CDH2: variants seen among roughly 807,000 people sequenced by gnomAD.
CDH2 encodes the protein cadherin 2.
CDH2 carries 17 observed loss-of-function variants against 92.0 expected under a neutral mutation model. The ratio of observed to expected loss-of-function variants is 0.18; its 90% CI spans 0.13 to 0.28. The LOEUF is 0.28. CDH2 is among the 10% of genes least tolerant of loss of function. CDH2 has a pLI of 1.00. For missense variants in CDH2, 862 were observed against 1,133.1 expected, an observed-to-expected ratio of 0.76 and a Z score of 3.44; for synonymous variants, 419 against 415.9, an observed-to-expected ratio of 1.01 and a Z score of -0.09.
chr18:27,958,605 TTATA>T (rs1039510801), intron 15 of CDH2, among the ~76,000 whole-genome samples: 112 of 151,094 alleles, frequency 7.4e-4, no homozygotes, highest in African/African-American at 2.6e-3. Context: ...AAGTGTATAT[TTATA>T]TATGTATATA....
chr18:28,110,643 T>C (rs1331544808), intron 2 of CDH2, among the ~76,000 whole-genome samples: 1 of 152,058 alleles, frequency 6.6e-6, no homozygotes, highest in South Asian at 2.1e-4. Flanking sequence ...AAACTAAAAG[T>C]AGACTGAGGA....
At position 28,009,838 on chromosome 18, in the gene CDH2, C is replaced by T. The variant is rs773733261; in HGVS notation, c.581G>A (p.Arg194Gln). 1.4e-5 allele frequency: 23 copies of T among 1,612,982 alleles called. No individual in the cohort carries two copies. Among genetic ancestry groups the T allele is most frequent in the Admixed American group, 1.7e-5 (1 of 59,936 alleles). Residue 194 changes from arginine to glutamine, a missense_variant, in exon 5 of 16, where the codon CGG (arginine) becomes CAG (glutamine). Transcript: ENST00000269141. The stretch of plus-strand genomic sequence containing the variant: ...AGCTCCTGGCCCAGTTACACTGTAC[C>T]GCAGTGAAAGGTTTTTATCTCTATC... ...RSDRDKNLSLRYSVTGPGADQ... is the reference protein window; with the variant it reads ...RSDRDKNLSLQYSVTGPGADQ...
At chr18:27,993,457 G>C in intron 8 of CDH2, 43 bp downstream of exon 8, 1 of 1,584,160 alleles carries the variant, frequency 6.3e-7, no homozygotes, top group East Asian at 2.3e-5. Flanking sequence ...TCTCAGTAAC[G>C]AACTACAGAC....
rs374068865 is a variant in CDH2 at position 27,967,985 on chromosome 18, T to C, written c.2350-4464A>G. ...TGCATGTAGAATCTACAGAATTGTATAGTCAACCCATTTCAGGGAGTAATG... is the reference window on the plus strand; with the variant it reads ...TGCATGTAGAATCTACAGAATTGTACAGTCAACCCATTTCAGGGAGTAATG... On this transcript the variant is annotated intron_variant, in intron 14 of 15. Coordinates refer to ENST00000269141, the MANE Select transcript of CDH2 (RefSeq NM_001792.5). Among the ~76,000 whole-genome samples, 95 of 152,324 alleles carry C rather than the reference T, an allele frequency of 6.2e-4. 3 individuals carry two copies. In the South Asian group the frequency reaches 0.019, roughly 31 times the overall value.
chr18:27,942,221 T>C (rs1487135328), intron 6 of CDH2, among the ~76,000 whole-genome samples: 3 of 152,182 alleles, frequency 2.0e-5, no homozygotes, highest in Non-Finnish European at 4.4e-5. Context: ...TTTCAAATAA[T>C]GTTTGAAAAA....
intron 1 of CDH2, among the ~76,000 whole-genome samples, chr18:28,175,635 G>A (rs8097331): frequency 0.073 from 11,100 of 152,112 alleles, 1,322 homozygotes; most frequent in African/African-American, 0.25. Flanking sequence ...ACCCCCCGGC[G>A]GGCCGGAGCG....
intron 7 of CDH2, among the ~76,000 whole-genome samples, chr18:27,997,845 C>T (rs932530953): frequency 3.3e-5 from 5 of 151,844 alleles, no homozygotes; most frequent in East Asian, 1.9e-4. Context: ...CTCACTCTGT[C>T]GCCCAGGCTG....
rs17493339 is a variant in CDH2, at chr18:27,978,032, A to G, written c.2349+4912T>C. ...TTCTTACTTCACACTACAAAGAAAC[A>G]GAATTTCTAACAGGCAGCCACATGT... is the stretch of plus-strand genomic sequence containing the variant. On this transcript the variant is annotated intron_variant, in intron 14 of 15. Coordinates refer to ENST00000269141, the MANE Select transcript of CDH2 (RefSeq NM_001792.5). 2.3e-3 allele frequency among the ~76,000 whole-genome samples: 352 copies of G among 152,348 alleles called. 5 individuals are homozygous for G. The highest frequency in any genetic ancestry group is 7.9e-3 in the African/African-American group (330 of 41,588).
intron 15 of CDH2, among the ~76,000 whole-genome samples, chr18:27,961,706 A>G (rs1352057589): frequency 6.6e-6 from 1 of 152,190 alleles, no homozygotes; most frequent in African/African-American, 2.4e-5. Flanking sequence ...AGTATCAGGG[A>G]TGGAATGAAA....
intron 2 of CDH2, among the ~76,000 whole-genome samples, chr18:28,126,403 T>C (rs540922810): frequency 8.5e-5 from 13 of 152,174 alleles, no homozygotes; most frequent in Non-Finnish European, 1.9e-4. Flanking sequence ...TCATCTTCTA[T>C]TTACTCATTG....
At chr18:28,036,319 T>C (rs947174148) in intron 2 of CDH2, 1 of 617,844 alleles carries the variant, frequency 1.6e-6, no homozygotes, top group African/African-American at 1.9e-5. Context: ...TTTAGTTTGA[T>C]TTTAGGTTAA....
chr18:28,108,975 C>T (rs1256904949), intron 2 of CDH2, among the ~76,000 whole-genome samples: 4 of 152,112 alleles, frequency 2.6e-5, no homozygotes, highest in Admixed American at 2.0e-4. Context: ...TCCTGTTGAA[C>T]ATTAAATACT....
rs2143849509 is a variant in CDH2 at position 27,951,271 on chromosome 18, T to C, written c.*882A>G. 6.6e-6 allele frequency: 1 copy of C among 151,840 alleles called. No homozygotes were observed. Among genetic ancestry groups the C allele is most frequent in the Non-Finnish European group, 1.5e-5 (1 of 67,884 alleles). 9.4% of individuals were successfully genotyped at this position (151,840 alleles called of 1,614,324 possible). On this transcript the variant is annotated 3_prime_UTR_variant, in exon 16 of 16. Transcript: ENST00000269141. ...ATAAAAAAATTAAAAAAATTAAAAA[T>C]TGAGTATTCTAACTACAGCTCAACA...
intron 2 of CDH2, among the ~76,000 whole-genome samples, chr18:28,033,507 G>T (rs973541260): frequency 1.3e-5 from 2 of 152,060 alleles, no homozygotes; most frequent in South Asian, 4.1e-4. Flanking sequence ...GTATGTATGT[G>T]TGTGTGTAAC....
At chr18:28,165,921 A>G (rs762215787) in intron 1 of CDH2, among the ~76,000 whole-genome samples, 7 of 151,792 alleles carry the variant, frequency 4.6e-5, no homozygotes, top group Non-Finnish European at 8.8e-5. Flanking sequence ...TTGTGTGTAT[A>G]TATGTCACCA....
At chr18:28,112,990 CA>C (rs1197795916) in intron 2 of CDH2, among the ~76,000 whole-genome samples, 2 of 151,982 alleles carry the variant, frequency 1.3e-5, no homozygotes. Flanking sequence ...TTAAGAATGC[CA>C]GGGGGGTAGG....
intron 5 of CDH2, among the ~76,000 whole-genome samples, chr18:28,006,665 C>A (rs1209828008): frequency 6.7e-6 from 1 of 148,226 alleles, no homozygotes; most frequent in African/African-American, 2.5e-5. Context: ...TTGCAGTGAG[C>A]CGAGATTGTG....
At chr18:28,111,774 T>C (rs901250166) in intron 2 of CDH2, among the ~76,000 whole-genome samples, 1 of 152,174 alleles carries the variant, frequency 6.6e-6, no homozygotes, top group Non-Finnish European at 1.5e-5. Context: ...CAGGGAAAGA[T>C]TAAGAGCTTG....
chr18:28,117,470 TGC>T (rs2015514300), intron 2 of CDH2, among the ~76,000 whole-genome samples: 3 of 152,072 alleles, frequency 2.0e-5, no homozygotes, highest in Admixed American at 2.0e-4. Flanking sequence ...AGATTTTAAG[TGC>T]TCCTACAATA....
Sources: gnomAD v4.1 joint callset for allele counts (sites outside exome capture counted in the v4.1 genomes callset) on GRCh38, gnomAD v4.1.1 for gene constraint, MANE v1.5 for transcripts, NCBI Gene and HGNC (gene_info 2026-07-23, HGNC 2026-07-21) for gene names.